SLC44A5: variants seen among roughly 807,000 people sequenced by gnomAD.
SLC44A5 encodes the protein choline transporter-like protein 5.
In SLC44A5, 57 loss-of-function variants were observed where a neutral mutation model predicts 101.8. The ratio of observed to expected loss-of-function variants is 0.56; its 90% CI spans 0.45 to 0.70. The LOEUF is 0.70. Among genes scored for constraint, SLC44A5 ranks in the 30% least tolerant of loss-of-function variants. The pLI, the probability that SLC44A5 is intolerant of heterozygous loss-of-function variation, is 0.00. For synonymous variants in SLC44A5, 281 were observed against 290.9 expected (o/e 0.97, Z 0.35); for missense variants, 737 against 853.1 (o/e 0.86, Z 1.70).
chr1:75,358,048 T>TCCTGCATA, intron 3 of SLC44A5, among the ~76,000 whole-genome samples: 1 of 151,648 alleles, frequency 6.6e-6, no homozygotes, highest in Middle Eastern at 3.2e-3. Context: ...CACAACATAG[T>TCCTGCATA]CCTGCATACT....
intron 10 of SLC44A5, among the ~76,000 whole-genome samples, chr1:75,237,809 C>T (rs149478509): frequency 0.01 from 1,556 of 152,174 alleles, 36 homozygotes; most frequent in African/African-American, 0.036. Context: ...TCTAAATCTG[C>T]AGGAACTACA....
chr1:75,585,476 T>A (rs149818165), intron 1 of SLC44A5, among the ~76,000 whole-genome samples: 259 of 152,342 alleles, frequency 1.7e-3, no homozygotes, highest in Non-Finnish European at 3.0e-3. Context: ...CTTCAGTGAT[T>A]CTCAATCACA....
At chr1:75,277,833 A>G (rs570345746) in intron 5 of SLC44A5, among the ~76,000 whole-genome samples, 4 of 152,186 alleles carry the variant, frequency 2.6e-5, no homozygotes, top group Non-Finnish European at 5.9e-5. Flanking sequence ...AGCTGCTGCT[A>G]CACCTCTCCA....
chr1:75,580,056 A>C (rs1673595729), intron 1 of SLC44A5, among the ~76,000 whole-genome samples: 1 of 152,116 alleles, frequency 6.6e-6, no homozygotes, highest in Non-Finnish European at 1.5e-5. Context: ...CTGTGGAAGG[A>C]CTCACACTGC....
intron 3 of SLC44A5, among the ~76,000 whole-genome samples, chr1:75,391,120 G>C (rs1029095027): frequency 6.6e-6 from 1 of 151,710 alleles, no homozygotes; most frequent in African/African-American, 2.4e-5. Context: ...AAAATACCTA[G>C]GAATACATTT....
At chr1:75,386,432 C>T (rs1661353371) in intron 3 of SLC44A5, among the ~76,000 whole-genome samples, 1 of 152,020 alleles carries the variant, frequency 6.6e-6, no homozygotes, top group Non-Finnish European at 1.5e-5. Context: ...AACAGAGAGC[C>T]AAATCATGAG....
chr1:75,415,893 A>C (rs931688284), intron 2 of SLC44A5, among the ~76,000 whole-genome samples: 1 of 152,224 alleles, frequency 6.6e-6, no homozygotes, highest in Non-Finnish European at 1.5e-5. Context: ...AGAAATTTAT[A>C]AGCAGGAAAG....
chr1:75,459,585 A>G (rs1666385173), intron 2 of SLC44A5, among the ~76,000 whole-genome samples: 1 of 152,204 alleles, frequency 6.6e-6, no homozygotes. Context: ...AAGGAAATAC[A>G]GTAGCTTTCA....
intron 2 of SLC44A5, among the ~76,000 whole-genome samples, chr1:75,470,429 G>GT (rs1667043494): frequency 6.6e-6 from 1 of 152,152 alleles, no homozygotes; most frequent in Non-Finnish European, 1.5e-5. Flanking sequence ...GGTAGTTTAT[G>GT]TTGTATGAGC....
chr1:75,639,341 C>T, the SLC44A5 span, among the ~76,000 whole-genome samples: 2 of 151,960 alleles, frequency 1.3e-5, no homozygotes, highest in African/African-American at 4.8e-5. Context: ...TAAAACAAAA[C>T]AAAACAAAAT....
rs527937588 is a variant in SLC44A5 at position 75,211,311 on chromosome 1, A to C, written c.2047+157T>G. On this transcript the variant is annotated intron_variant, in intron 23 of 23. Transcript: ENST00000370859. ...TTATTTCTCAGGTATTATGGTTTAA[A>C]TAACATCTACTAAGCAATATCTCTT... Among the ~76,000 whole-genome samples the C allele has an allele frequency of 4.5e-4, 69 of 152,320 alleles. No homozygotes were observed. The highest frequency in any genetic ancestry group is 8.5e-4 in the Non-Finnish European group (58 of 68,034).
chr1:75,431,924 G>T (rs1367268176), intron 2 of SLC44A5, among the ~76,000 whole-genome samples: 1 of 152,056 alleles, frequency 6.6e-6, no homozygotes, highest in Admixed American at 6.6e-5. Flanking sequence ...GGGAGGAGAG[G>T]AGTATTATTT....
chr1:75,376,558 C>T (rs1319269074), intron 3 of SLC44A5, among the ~76,000 whole-genome samples: 4 of 152,186 alleles, frequency 2.6e-5, no homozygotes, highest in African/African-American at 7.2e-5. Flanking sequence ...AGGCACCCCC[C>T]AGCAGGGGCA....
At chr1:75,224,968 T>C (rs998428142) in intron 13 of SLC44A5, among the ~76,000 whole-genome samples, 12 of 152,004 alleles carry the variant, frequency 7.9e-5, no homozygotes, top group Non-Finnish European at 1.6e-4. Flanking sequence ...AGGTTAATTA[T>C]TGAAGGAAGT....
At chr1:75,510,318 G>T (rs1214934394) in intron 2 of SLC44A5, among the ~76,000 whole-genome samples, 1 of 152,062 alleles carries the variant, frequency 6.6e-6, no homozygotes, top group Non-Finnish European at 1.5e-5. Context: ...GAAAGTCCAA[G>T]GATGTTCTAG....
chr1:75,410,420 C>G (rs1174175943), intron 2 of SLC44A5, among the ~76,000 whole-genome samples: 2 of 152,118 alleles, frequency 1.3e-5, no homozygotes, highest in Non-Finnish European at 2.9e-5. Context: ...AGAAGCCAAT[C>G]TCTATGCCCA....
chr1:75,471,606 A>G (rs1359862741), intron 2 of SLC44A5, among the ~76,000 whole-genome samples: 1 of 152,136 alleles, frequency 6.6e-6, no homozygotes, highest in Non-Finnish European at 1.5e-5. Flanking sequence ...TCTCTTCTCC[A>G]AATATGATTT....
At chr1:75,418,785 G>T (rs1663820752) in intron 2 of SLC44A5, among the ~76,000 whole-genome samples, 1 of 152,186 alleles carries the variant, frequency 6.6e-6, no homozygotes, top group Non-Finnish European at 1.5e-5. Context: ...GAAAAGATCA[G>T]TTATTTTTTA....
intron 8 of SLC44A5, among the ~76,000 whole-genome samples, chr1:75,242,335 A>G (rs1648707357): frequency 6.6e-6 from 1 of 152,038 alleles, no homozygotes; most frequent in South Asian, 2.1e-4. Context: ...TGTCTTAGCC[A>G]TATCCTGAGT....
Sources: allele counts gnomAD v4.1 joint callset (sites outside exome capture counted in the v4.1 genomes callset), GRCh38; gene constraint gnomAD v4.1.1; transcripts MANE v1.5; gene names NCBI Gene and HGNC (gene_info 2026-07-23, HGNC 2026-07-21).